SHROOM4: variants seen among roughly 807,000 people sequenced by gnomAD.
SHROOM4 encodes the protein protein Shroom4.
In SHROOM4, 17 loss-of-function variants were observed where a neutral mutation model predicts 80.3. The observed-to-expected ratio is 0.21, with a 90% CI of 0.14 to 0.32. The LOEUF is 0.32. Among genes scored for constraint, SHROOM4 ranks in the 10% least tolerant of loss-of-function variants. SHROOM4 has a pLI of 1.00. For missense variants in SHROOM4, 993 were observed against 1,140.3 expected (o/e 0.87, Z 1.86); for synonymous variants, 400 against 437.5 (o/e 0.91, Z 1.07).
At chrX:50,788,619 A>G (rs1935796206) in intron 1 of SHROOM4, among the ~76,000 whole-genome samples, 1 of 110,955 alleles carries the variant, frequency 9.0e-6, no homozygotes. Context: ...AAAAAAAAAA[A>G]AAAAAATTAT....
intron 1 of SHROOM4, among the ~76,000 whole-genome samples, chrX:50,753,273 A>G (rs1463682425): frequency 8.9e-6 from 1 of 112,014 alleles, no homozygotes; most frequent in Non-Finnish European, 1.9e-5. Flanking sequence ...CTGCTTTAAG[A>G]GAGTTACTCT....
At chrX:50,663,802 C>A (rs1932597519) in intron 2 of SHROOM4, among the ~76,000 whole-genome samples, 1 of 111,390 alleles carries the variant, frequency 9.0e-6, no homozygotes, top group African/African-American at 3.3e-5. Flanking sequence ...TGGCATCACT[C>A]ATTTTGATAA....
intron 1 of SHROOM4, among the ~76,000 whole-genome samples, chrX:50,785,183 A>G (rs1465337079): frequency 8.9e-6 from 1 of 112,007 alleles, no homozygotes; most frequent in Non-Finnish European, 1.9e-5. Flanking sequence ...GTTTACAATC[A>G]CTTGAGAAAA....
At position 50,633,167 on chromosome X, in the gene SHROOM4, C is replaced by T; in HGVS notation, c.2895+11G>A. 1 of 1,207,624 alleles carries T rather than the reference C, an allele frequency of 8.3e-7. No individual in the cohort carries two copies. ...TAATGAAGGTTACCCACCCAAGAAC[C>T]AAGTCCTCACCTGCACTGTCAGCTT... On this transcript the variant is annotated intron_variant, in intron 4 of 8. Coordinates refer to ENST00000376020, the MANE Select transcript of SHROOM4 (RefSeq NM_020717.5).
At chrX:50,769,053 T>C (rs1405914720) in intron 1 of SHROOM4, among the ~76,000 whole-genome samples, 1 of 110,577 alleles carries the variant, frequency 9.0e-6, no homozygotes, top group African/African-American at 3.3e-5. Flanking sequence ...CCGAAGGAAA[T>C]GATTTCAATT....
At chrX:50,654,394 A>AT (rs1166301483) in intron 2 of SHROOM4, among the ~76,000 whole-genome samples, 1 of 111,690 alleles carries the variant, frequency 9.0e-6, no homozygotes, top group Non-Finnish European at 1.9e-5. Context: ...TGTTCATTTC[A>AT]TTTTGCATAG....
intron 1 of SHROOM4, among the ~76,000 whole-genome samples, chrX:50,762,974 T>C (rs2147632040): frequency 8.9e-6 from 1 of 111,765 alleles, no homozygotes; most frequent in East Asian, 2.8e-4. Context: ...CTATTATGCA[T>C]TCATTTTTTT....
chrX:50,655,233 T>C (rs782431429), intron 2 of SHROOM4, among the ~76,000 whole-genome samples: 1 of 110,125 alleles, frequency 9.1e-6, no homozygotes, highest in Non-Finnish European at 1.9e-5. Context: ...CTATTGTGAA[T>C]AGTGCTGCAA....
In SHROOM4 at chrX:50,658,379, T is replaced by G. The variant is rs562726739; in HGVS notation, c.270-20071A>C. Among the ~76,000 whole-genome samples the G allele has an allele frequency of 4.5e-5, 5 of 111,420 alleles. No individual in the cohort carries two copies. The Middle Eastern group carries it at 0.014, about 311-fold the overall frequency. On this transcript the variant is annotated intron_variant, in intron 2 of 8. Transcript: ENST00000376020. The stretch of plus-strand genomic sequence containing the variant: ...CTGTCTAATCAGGCACCAAGACTTA[T>G]TGATTCTACCTCCTAGACTATATAA...
chrX:50,777,773 C>T (rs1456983556), intron 1 of SHROOM4, among the ~76,000 whole-genome samples: 1 of 112,097 alleles, frequency 8.9e-6, no homozygotes, highest in African/African-American at 3.2e-5. Flanking sequence ...CAATTAGGTT[C>T]GCTTTTTCTC....
At chrX:50,782,219 AT>A (rs1425139731) in intron 1 of SHROOM4, among the ~76,000 whole-genome samples, 8 of 111,378 alleles carry the variant, frequency 7.2e-5, no homozygotes, top group African/African-American at 9.8e-5. Flanking sequence ...AAAAAAAAAA[AT>A]CTAATAAAAT....
chrX:50,764,242 A>G (rs1219922134), intron 1 of SHROOM4, among the ~76,000 whole-genome samples: 4 of 111,097 alleles, frequency 3.6e-5, no homozygotes, highest in Non-Finnish European at 7.5e-5. Context: ...TGGGGATGGT[A>G]GCCCCATCTT....
At chrX:50,599,511 C>T (rs1871780733) in intron 7 of SHROOM4, among the ~76,000 whole-genome samples, 1 of 111,682 alleles carries the variant, frequency 9.0e-6, no homozygotes, top group Admixed American at 9.5e-5. Flanking sequence ...TGAGATTATG[C>T]ATGCAAAGTG....
chrX:50,638,090 T>C, intron 3 of SHROOM4, 84 bp downstream of exon 3: 1 of 1,109,678 alleles, frequency 9.0e-7, no homozygotes, highest in African/African-American at 1.8e-5. Context: ...GGCTCTAACA[T>C]CCAACAGGGA....
chrX:50,753,611 G>A (rs1245372714), intron 1 of SHROOM4, among the ~76,000 whole-genome samples: 3 of 111,357 alleles, frequency 2.7e-5, no homozygotes, highest in Non-Finnish European at 5.7e-5. Context: ...TATCACACCA[G>A]ATTTCAAAGA....
chrX:50,774,249 C>T (rs782188587), intron 1 of SHROOM4, among the ~76,000 whole-genome samples: 5 of 111,365 alleles, frequency 4.5e-5, no homozygotes, highest in African/African-American at 1.6e-4. Flanking sequence ...TTACAGAGTT[C>T]ACACTGAAGA....
intron 2 of SHROOM4, among the ~76,000 whole-genome samples, chrX:50,664,317 C>A (rs1009258520): frequency 1.8e-5 from 2 of 112,133 alleles, no homozygotes; most frequent in Non-Finnish European, 3.8e-5. Context: ...TAAACAGGAT[C>A]ATATTGTTCT....
chrX:50,590,991 G>A lies in SHROOM4; in HGVS notation c.*5704C>T, dbSNP rs782116746. The stretch of plus-strand genomic sequence containing the variant: ...ATTTCTTGTATCACTTGTGCAAATC[G>A]TCTTAACATTAGGAAGACTTATTAC... On this transcript the variant is annotated 3_prime_UTR_variant, in exon 9 of 9. Coordinates refer to ENST00000376020, the MANE Select transcript of SHROOM4 (RefSeq NM_020717.5). Among the ~76,000 whole-genome samples, 4 of 111,603 alleles carry A rather than the reference G, an allele frequency of 3.6e-5. No individual in the cohort carries two copies. The highest frequency in any genetic ancestry group is 7.5e-5 in the Non-Finnish European group (4 of 53,082).
intron 1 of SHROOM4, among the ~76,000 whole-genome samples, chrX:50,705,176 C>A (rs900911972): frequency 9.0e-6 from 1 of 111,528 alleles, no homozygotes. Context: ...GTCCTGTTCA[C>A]ATCATGACTG....
Sources: allele counts gnomAD v4.1 joint callset (sites outside exome capture counted in the v4.1 genomes callset), GRCh38; gene constraint gnomAD v4.1.1; transcripts MANE v1.5; gene names NCBI Gene and HGNC (gene_info 2026-07-23, HGNC 2026-07-21).